Variants in LRRC56 observed in about 807,000 individuals in gnomAD.
LRRC56 encodes the protein leucine rich repeat containing 56, also known as leucine-rich repeat-containing protein 56.
In LRRC56, 41 loss-of-function variants were observed where a neutral mutation model predicts 47.8. The ratio of observed to expected loss-of-function variants is 0.86; its 90% CI spans 0.67 to 1.11. The LOEUF is 1.11. Among genes scored for constraint, LRRC56 ranks in the 50% most tolerant of loss-of-function variants. LRRC56 has a pLI of 0.00. For synonymous variants in LRRC56, 387 were observed against 311.2 expected, an observed-to-expected ratio of 1.24 and a Z score of -2.56; for missense variants, 759 against 704.2, an observed-to-expected ratio of 1.08 and a Z score of -0.88.
At chr11:534,116 T>C, upstream of LRRC56, 5 of 1,198,526 alleles carry the variant, frequency 4.2e-6, no homozygotes, top group Non-Finnish European at 6.1e-6. Context: ...CACAGCACCA[T>C]GCAGGGGACC....
At chr11:525,422 C>A in the LRRC56 span, among the ~76,000 whole-genome samples, 1 of 151,940 alleles carries the variant, frequency 6.6e-6, no homozygotes, top group Non-Finnish European at 1.5e-5. Flanking sequence ...GCCTGTAGTC[C>A]CAGCTACTCG....
At position 544,705 on chromosome 11, in the gene LRRC56, C is replaced by T; in HGVS notation, c.266-15C>T. Reference sequence around the variant, plus strand: ...TGAGGGGCCGGGCCAACCTCCTCCTCCTGTGGCCATACAGGGGTGCACCTG... The same window carrying T: ...TGAGGGGCCGGGCCAACCTCCTCCTTCTGTGGCCATACAGGGGTGCACCTG... On this transcript the variant is annotated splice_polypyrimidine_tract_variant and intron_variant, in intron 5 of 13. Coordinates refer to ENST00000270115, the MANE Select transcript of LRRC56 (RefSeq NM_198075.4). 1.9e-6 allele frequency: 3 copies of T among 1,612,548 alleles called. No homozygotes were observed. The highest frequency in any genetic ancestry group is 2.5e-6 in the Non-Finnish European group (3 of 1,179,834).
chr11:507,912 C>T, the LRRC56 span, among the ~76,000 whole-genome samples: 2 of 152,268 alleles, frequency 1.3e-5, no homozygotes, highest in South Asian at 2.1e-4. Flanking sequence ...CCGAGCTGCT[C>T]CTGCGTCCAC....
At chr11:530,586 G>C in the LRRC56 span, among the ~76,000 whole-genome samples, 227 of 44,210 alleles carry the variant, frequency 5.1e-3, no homozygotes, top group Admixed American at 0.012. Flanking sequence ...GAGAGAAGGG[G>C]GAGTGTGGCG....
At chr11:551,015 C>G in intron 8 of LRRC56, 116 bp from the exon 9 acceptor site, 1 of 607,636 alleles carries the variant, frequency 1.6e-6, no homozygotes, top group Non-Finnish European at 2.8e-6. Context: ...ATCCCCACCT[C>G]TGGGCCCCTG....
rs763653779 is a variant in LRRC56 at position 550,153 on chromosome 11, G to A, written c.505G>A (p.Gly169Ser). 2.5e-6 allele frequency: 4 copies of A among 1,613,386 alleles called. No individual in the cohort carries two copies. The highest frequency in any genetic ancestry group is 1.1e-5 in the South Asian group (1 of 91,076). The change falls in exon 8 of 14, where the codon GGC (glycine) becomes AGC (serine). Residue 169 changes from glycine (G) to serine (S), a missense_variant. By Grantham distance (56) the Gly-to-Ser change is moderately conservative. Transcript: ENST00000270115. ...LEQLEVLDLE[G>S]NSVEDLGQVR... ...ACAATTGGAGGTGCTGGACCTGGAGGGCAACAGCGTGGAGGACCTGGGGCA... is the reference window on the plus strand; with the variant it reads ...ACAATTGGAGGTGCTGGACCTGGAGAGCAACAGCGTGGAGGACCTGGGGCA...
At chr11:540,647 A>G in intron 3 of LRRC56, 27 bp from the exon 4 acceptor site, 1 of 1,595,250 alleles carries the variant, frequency 6.3e-7, no homozygotes, top group Non-Finnish European at 8.6e-7. Flanking sequence ...AACAGCGTGG[A>G]GCTTTGCACT....
intron 13 of LRRC56, 137 bp from the exon 14 acceptor site, chr11:553,826 G>A: frequency 2.8e-6 from 2 of 722,908 alleles, no homozygotes; most frequent in Middle Eastern, 3.9e-4. Flanking sequence ...GTGGGGTGCA[G>A]GGGTGCTGCT....
the LRRC56 span, among the ~76,000 whole-genome samples, chr11:523,176 G>A: frequency 1.5e-4 from 23 of 152,070 alleles, no homozygotes; most frequent in African/African-American, 5.5e-4. Flanking sequence ...TTACAGGCAC[G>A]CACCACCATG....
the LRRC56 span, among the ~76,000 whole-genome samples, chr11:508,801 T>C: frequency 1.3e-5 from 2 of 151,140 alleles, no homozygotes; most frequent in African/African-American, 4.9e-5. Context: ...TCCAACACTT[T>C]GGGAGGCCAA....
the LRRC56 span, among the ~76,000 whole-genome samples, chr11:526,790 A>G: frequency 6.6e-6 from 1 of 151,850 alleles, no homozygotes; most frequent in Admixed American, 6.6e-5. Flanking sequence ...TACAAAAATT[A>G]GCCAGGCATG....
chr11:507,288 G>A, the LRRC56 span: 1 of 152,484 alleles, frequency 6.6e-6, no homozygotes, highest in Non-Finnish European at 1.5e-5. Context: ...GGGACTACTG[G>A]GCGGGGCTCG....
the LRRC56 span, among the ~76,000 whole-genome samples, chr11:517,577 G>T: frequency 6.6e-6 from 1 of 151,326 alleles, no homozygotes; most frequent in Non-Finnish European, 1.5e-5. Context: ...CATCTGGGGG[G>T]TGAGGAGCAC....
Position 551,764 on chromosome 11 carries a change from CT to C in LRRC56, c.911del (p.Leu304ArgfsTer106), listed in dbSNP as rs1182414107. 1.2e-6 allele frequency: 2 copies of C among 1,610,918 alleles called. No individual in the cohort carries two copies. Among genetic ancestry groups the C allele is most frequent in the Middle Eastern group, 1.7e-4 (1 of 6,050 alleles). On this transcript the variant is annotated frameshift_variant, in exon 10 of 14. Transcript: ENST00000270115. LOFTEE classifies it high-confidence loss of function. ...CTCCCTGCTGGTCCGTGGGGGCCCC[CT>C]GCCTGAAGGCCTGCTTTCTGAGGAC... ...PFSLLVRGGPLPEGLLSEDLA... is the reference protein window; with the variant it reads ...PFSLLVRGGPXPEGLLSEDLA...
In LRRC56 at chr11:549,021, G is replaced by A. The variant is rs187244851; in HGVS notation, c.327-881G>A. On this transcript the variant is annotated intron_variant, in intron 6 of 13. Coordinates refer to ENST00000270115, the MANE Select transcript of LRRC56 (RefSeq NM_198075.4). ...AGTGGAAAAGCCATTGAAGGCAGCA[G>A]GCTGAGGACAGACACTGACTCCACA... 1.4e-4 allele frequency among the ~76,000 whole-genome samples: 21 copies of A among 152,312 alleles called. No individual in the cohort carries two copies. In the East Asian group the frequency reaches 3.9e-3, roughly 28 times the overall value.
the LRRC56 span, among the ~76,000 whole-genome samples, chr11:525,697 A>G: frequency 3.1e-4 from 47 of 152,030 alleles, no homozygotes; most frequent in African/African-American, 1.1e-3. Context: ...GGAGTTTGAG[A>G]CCAGCCTGGC....
chr11:535,573 G>T (rs1178161764), upstream of LRRC56: 2 of 149,342 alleles, frequency 1.3e-5, no homozygotes, highest in African/African-American at 4.9e-5. Flanking sequence ...ACTCGGGCGG[G>T]CCTGCGCACG....
upstream of LRRC56, among the ~76,000 whole-genome samples, chr11:532,911 T>C (rs1851194595): frequency 6.6e-6 from 1 of 152,188 alleles, no homozygotes. Context: ...AGCTGGACTC[T>C]GGCCATCTCG....
At chr11:533,235 G>A (rs1236946188), upstream of LRRC56, 7 of 1,504,824 alleles carry the variant, frequency 4.7e-6, no homozygotes, top group Non-Finnish European at 5.4e-6. Flanking sequence ...CCAGACCCCG[G>A]CCCTCGCCTC....
Sources: allele counts gnomAD v4.1 joint callset (sites outside exome capture counted in the v4.1 genomes callset), GRCh38; gene constraint gnomAD v4.1.1; transcripts MANE v1.5; gene names NCBI Gene and HGNC (gene_info 2026-07-23, HGNC 2026-07-21).